TAPT1: variants seen among roughly 807,000 people sequenced by gnomAD.
TAPT1 encodes transmembrane anterior posterior transformation 1.
Under a neutral mutation model 65.6 loss-of-function variants are expected in TAPT1, and 28 were observed. The observed-to-expected ratio is 0.43, with a 90% CI of 0.32 to 0.59. The LOEUF is 0.59. Ranked by LOEUF, TAPT1 falls within the 20% of genes least tolerant of loss-of-function variation. The pLI, the probability that TAPT1 is intolerant of heterozygous loss-of-function variation, is 0.09. For synonymous variants in TAPT1, 278 were observed against 245.2 expected, an observed-to-expected ratio of 1.13 and a Z score of -1.25; for missense variants, 563 against 679.9, an observed-to-expected ratio of 0.83 and a Z score of 1.91.
chr4:16,172,524 A>G (rs1298025370), intron 11 of TAPT1, among the ~76,000 whole-genome samples: 1 of 152,144 alleles, frequency 6.6e-6, no homozygotes, highest in Non-Finnish European at 1.5e-5. Context: ...CCAAAATTCT[A>G]GGAGTTCCTT....
At chr4:16,173,219 CTGAG>C (rs1188521976) in intron 11 of TAPT1, among the ~76,000 whole-genome samples, 1 of 152,120 alleles carries the variant, frequency 6.6e-6, no homozygotes, top group Non-Finnish European at 1.5e-5. Flanking sequence ...CCTCAGCCTC[CTGAG>C]TAGCTAGGAC....
Position 16,166,644 on chromosome 4 carries a change from T to G in TAPT1, c.1463A>C (p.Lys488Thr). The change falls in exon 13 of 14, where the codon AAA becomes ACA. Residue 488 changes from lysine (K) to threonine (T), a missense_variant. By Grantham distance (78) the Lys-to-Thr change is moderately conservative (BLOSUM62 -1). Coordinates refer to ENST00000405303, the MANE Select transcript of TAPT1 (RefSeq NM_153365.3). ...GGGACCAAACCTACCTTGAGAGGGTTTACATTTGTTCTGTGATTTACTGGA... is the reference window on the plus strand; with the variant it reads ...GGGACCAAACCTACCTTGAGAGGGTGTACATTTGTTCTGTGATTTACTGGA... ...KPSSKSQNKC[K>T]PSQGLSTEEN... The G allele has an allele frequency of 1.2e-6, 2 of 1,613,986 alleles. No homozygotes were observed. The highest frequency in any genetic ancestry group is 1.7e-6 in the Non-Finnish European group (2 of 1,179,846).
chr4:16,173,547 T>TA (rs61072350), intron 11 of TAPT1, among the ~76,000 whole-genome samples: 10,754 of 149,720 alleles, frequency 0.072, 540 homozygotes, highest in Middle Eastern at 0.13. Flanking sequence ...GCCTCCCGAG[T>TA]AAAAAAAAAA....
At chr4:16,214,470 C>T (rs569083013) in intron 1 of TAPT1, 2 of 152,318 alleles carry the variant, frequency 1.3e-5, no homozygotes, top group East Asian at 3.9e-4. Context: ...CAACCTCAAC[C>T]GGATCAGAAA....
chr4:16,167,805 G>A (rs1747738406), intron 12 of TAPT1, among the ~76,000 whole-genome samples: 1 of 152,088 alleles, frequency 6.6e-6, no homozygotes, highest in Admixed American at 6.5e-5. Flanking sequence ...GTTCCTCAGT[G>A]ACATTATTTT....
At chr4:16,196,835 T>C in intron 3 of TAPT1, 1 of 484,598 alleles carries the variant, frequency 2.1e-6, no homozygotes, top group South Asian at 1.5e-5. Context: ...GACTTTCTAA[T>C]AACAAATATA....
chr4:16,166,789 T>C lies in TAPT1; in HGVS notation c.1318A>G (p.Ile440Val). 1.9e-6 allele frequency: 3 copies of C among 1,613,528 alleles called. 1 individual carries two copies. Among genetic ancestry groups the C allele is most frequent in the South Asian group, 2.2e-5 (2 of 91,076 alleles). ...ACVILFYFGLISLKVLNSIVL... is the reference protein window; with the variant it reads ...ACVILFYFGLVSLKVLNSIVL... ...ATGCTATTAAGTACTTTCAGGGATATCAACCTAAAAACAGAAACAAAACAA... is the reference window on the plus strand; with the variant it reads ...ATGCTATTAAGTACTTTCAGGGATACCAACCTAAAAACAGAAACAAAACAA... Residue 440 changes from isoleucine (I) to valine (V), a missense_variant, in exon 13 of 14, where the codon ATA becomes GTA. By Grantham distance (29) the Ile-to-Val change is conservative. This residue lies in a region of TAPT1 where 136 missense variants were observed against 153.9 expected (regional missense o/e 0.88). Transcript: ENST00000405303.
intron 11 of TAPT1, among the ~76,000 whole-genome samples, chr4:16,173,196 T>C (rs1351383772): frequency 6.6e-6 from 1 of 151,532 alleles, no homozygotes; most frequent in Non-Finnish European, 1.5e-5. Flanking sequence ...AGCCAGCAAA[T>C]TTTTTTTTCT....
chr4:16,218,638 T>G (rs1751078484), intron 1 of TAPT1, among the ~76,000 whole-genome samples: 1 of 152,230 alleles, frequency 6.6e-6, no homozygotes, highest in Admixed American at 6.5e-5. Context: ...TAGAGCAGTT[T>G]TTTAATACCT....
chr4:16,182,513 T>C (rs1456040008), intron 7 of TAPT1, among the ~76,000 whole-genome samples: 1 of 152,228 alleles, frequency 6.6e-6, no homozygotes, highest in Non-Finnish European at 1.5e-5. Context: ...CTAACAGGGA[T>C]ATACTTTAAC....
intron 7 of TAPT1, among the ~76,000 whole-genome samples, chr4:16,185,798 C>A (rs1332698516): frequency 2.0e-5 from 3 of 152,176 alleles, no homozygotes; most frequent in African/African-American, 7.2e-5. Context: ...CACACCCCTC[C>A]TTCCTCAAGG....
At position 16,174,659 on chromosome 4, in the gene TAPT1, T is replaced by C. The variant is rs371910701; in HGVS notation, c.1167+11A>G. 9.8e-5 allele frequency: 156 copies of C among 1,585,052 alleles called. No individual in the cohort carries two copies. Among genetic ancestry groups the C allele is most frequent in the Non-Finnish European group, 1.3e-4 (150 of 1,164,634 alleles). On this transcript the variant is annotated intron_variant, in intron 10 of 13. Coordinates refer to ENST00000405303, the MANE Select transcript of TAPT1 (RefSeq NM_153365.3). ...TGTTAATTTCAGACTACGCCCTTGA[T>C]AAATGCTCACATTTTTCTGTCGGCT...
At position 16,166,991 on chromosome 4, in the gene TAPT1, C is replaced by CTTTTTTTTTT. The variant is rs5856341; in HGVS notation, c.1314-208_1314-199dup. On this transcript the variant is annotated intron_variant, in intron 12 of 13. Transcript: ENST00000405303. ...AAAAACTTCGGAATTCCTTAGTTCT[C>CTTTTTTTTTT]TTTTTTTTTTTTTTTTTTTTTGAGA... 40 of 160,674 alleles carry CTTTTTTTTTT rather than the reference C, an allele frequency of 2.5e-4. 1 individual carries two copies. Among genetic ancestry groups the CTTTTTTTTTT allele is most frequent in the South Asian group, 4.6e-4 (5 of 10,962 alleles). 10.0% of individuals were successfully genotyped at this position (160,674 alleles called of 1,614,324 possible). A position where few individuals can be genotyped will look rare whatever the true frequency, so the allele number is the denominator to read the frequency against.
Position 16,203,168 on chromosome 4 carries a change from T to A in TAPT1, c.331-588A>T, listed in dbSNP as rs116326161. Among the ~76,000 whole-genome samples, 677 of 152,300 alleles carry A rather than the reference T, an allele frequency of 4.4e-3. 4 individuals are homozygous for A. The highest frequency in any genetic ancestry group is 0.015 in the African/African-American group (621 of 41,568). On this transcript the variant is annotated intron_variant, in intron 2 of 13. Coordinates refer to ENST00000405303, the MANE Select transcript of TAPT1 (RefSeq NM_153365.3). ...CACTCTTACTTGTTAAGTTTAGGAC[T>A]ATATTTCACAGAAAGAGGGTGAAGT...
chr4:16,207,182 G>C (rs1000764446), intron 2 of TAPT1, among the ~76,000 whole-genome samples: 2 of 152,206 alleles, frequency 1.3e-5, no homozygotes, highest in African/African-American at 4.8e-5. Flanking sequence ...AATTTAGAGG[G>C]ATGATTCTCT....
chr4:16,222,141 G>A (rs749620029), intron 1 of TAPT1, among the ~76,000 whole-genome samples: 3 of 152,184 alleles, frequency 2.0e-5, no homozygotes, highest in Non-Finnish European at 4.4e-5. Context: ...TGCTATATAG[G>A]CTTTCCAGAG....
Position 16,163,367 on chromosome 4 carries a change from A to G in TAPT1, c.1645T>C (p.Ser549Pro), listed in dbSNP as rs191294901. The change falls in exon 14 of 14, where the codon TCA becomes CCA. Residue 549 changes from serine (S) to proline (P), a missense_variant. By Grantham distance (74) the Ser-to-Pro change is moderately conservative. Transcript: ENST00000405303. ...QDNSELKHRS[S>P]KKDLLEIDRF... ...TCTATCTCTAACAAATCTTTCTTTG[A>G]GGATCTGTGTTTTAATTCAGAATTG... 2.1e-5 allele frequency: 34 copies of G among 1,613,958 alleles called. No homozygotes were observed. The highest frequency in any genetic ancestry group is 1.6e-4 in the Middle Eastern group (1 of 6,062).
In TAPT1 at chr4:16,213,689, C is replaced by T. The variant is rs181804892; in HGVS notation, c.330+79G>A. The T allele has an allele frequency of 3.4e-3, 4,235 of 1,263,474 alleles. 5 individuals are homozygous for T. Among genetic ancestry groups the T allele is most frequent in the South Asian group, 4.3e-3 (239 of 55,586 alleles). The allele number at this position is 1,263,474 out of a possible 1,614,324, so 78.3% of individuals were successfully genotyped here. On this transcript the variant is annotated intron_variant, in intron 2 of 13. Coordinates refer to ENST00000405303, the MANE Select transcript of TAPT1 (RefSeq NM_153365.3). ...AATTATTTAAAAAACTCAACTCTAG[C>T]TGTTGACCATTTTTTTGCATAATTA...
chr4:16,216,743 C>T (rs1750962324), intron 1 of TAPT1, among the ~76,000 whole-genome samples: 1 of 152,170 alleles, frequency 6.6e-6, no homozygotes, highest in East Asian at 1.9e-4. Flanking sequence ...CCATCTCTCT[C>T]CAGGTTATTG....
Sources: gnomAD v4.1 joint callset for allele counts (sites outside exome capture counted in the v4.1 genomes callset) on GRCh38, gnomAD v4.1.1 for gene constraint, gnomAD v4.1.1 regional missense constraint, MANE v1.5 for transcripts, NCBI Gene and HGNC (gene_info 2026-07-23, HGNC 2026-07-21) for gene names.